The following SLC45A2 variants were observed in gnomAD, a reference collection of about 807,000 sequenced individuals.
SLC45A2 encodes the protein solute carrier family 45 member 2, also known as membrane-associated transporter protein.
SLC45A2 carries 36 observed loss-of-function variants against 45.5 expected under a neutral mutation model. That is an observed-to-expected ratio of 0.79 (90% CI 0.61 to 1.04). SLC45A2 has a LOEUF of 1.04. SLC45A2 is among the 50% of genes least tolerant of loss of function. The pLI, the probability that SLC45A2 is intolerant of heterozygous loss-of-function variation, is 0.00. For missense variants in SLC45A2, 719 were observed against 671.0 expected, an observed-to-expected ratio of 1.07 and a Z score of -0.79; for synonymous variants, 306 against 269.3, an observed-to-expected ratio of 1.14 and a Z score of -1.33.
intron 2 of SLC45A2, among the ~76,000 whole-genome samples, chr5:33,971,698 T>C (rs1752781688): frequency 6.6e-6 from 1 of 152,116 alleles, no homozygotes; most frequent in Non-Finnish European, 1.5e-5. Flanking sequence ...GTGATCTTGG[T>C]TCACTGTAAC....
At chr5:33,945,919 A>T in intron 6 of SLC45A2, 1 of 963,922 alleles carries the variant, frequency 1.0e-6, no homozygotes, top group Non-Finnish European at 1.2e-6. Flanking sequence ...ACAAAAAACT[A>T]GTAAGAGTGG....
chr5:33,956,260 C>A (rs1431328686), intron 3 of SLC45A2, among the ~76,000 whole-genome samples: 2 of 152,076 alleles, frequency 1.3e-5, no homozygotes, highest in Non-Finnish European at 2.9e-5. Flanking sequence ...AAGAGCAGAG[C>A]TTTCAATGAA....
chr5:33,958,489 T>C (rs974963128), intron 3 of SLC45A2, among the ~76,000 whole-genome samples: 4 of 152,150 alleles, frequency 2.6e-5, no homozygotes, highest in Non-Finnish European at 5.9e-5. Context: ...ATATTCTTAC[T>C]TTAACTTTTT....
chr5:33,984,081 A>G (rs1753162927), intron 1 of SLC45A2, 118 bp downstream of exon 1: 1 of 1,440,248 alleles, frequency 6.9e-7, no homozygotes, highest in African/African-American at 1.4e-5. Context: ...ATTGTAACCT[A>G]GGAGAGATCA....
In SLC45A2 at chr5:33,951,582, G is replaced by C; in HGVS notation, c.1128C>G (p.Ile376Met). 2 of 1,614,160 alleles carry C rather than the reference G, an allele frequency of 1.2e-6. No homozygotes were observed. Among genetic ancestry groups the C allele is most frequent in the Non-Finnish European group, 1.7e-6 (2 of 1,180,000 alleles). ...AATAAAGTGAGGAAAACACGGAGTT[G>C]ATGCACAAGCCCCAACATCCAACCT... ...GVEVGCWGLCINSVFSSLYSY... is the reference protein window; with the variant it reads ...GVEVGCWGLCMNSVFSSLYSY... The change falls in exon 5 of 7, where the codon ATC (isoleucine) becomes ATG (methionine). Residue 376 changes from isoleucine (I) to methionine (M), a missense_variant. Ile to Met is a conservative substitution (Grantham distance 10, BLOSUM62 1). Transcript: ENST00000296589.
In SLC45A2 at chr5:33,971,631, T is replaced by A. The variant is rs183478439; in HGVS notation, c.563-7615A>T. Among the ~76,000 whole-genome samples, 1,324 of 150,486 alleles carry A rather than the reference T, an allele frequency of 8.8e-3. 10 individuals are homozygous for A. Among genetic ancestry groups the A allele is most frequent in the Middle Eastern group, 0.058 (17 of 292 alleles). On this transcript the variant is annotated intron_variant, in intron 2 of 6. Coordinates refer to ENST00000296589, the MANE Select transcript of SLC45A2 (RefSeq NM_016180.5). ...TTTTTAATTAGTTAATTAATTATTT[T>A]TTATTTTTTATTTTGAGACGGAGTC...
intron 3 of SLC45A2, among the ~76,000 whole-genome samples, chr5:33,955,527 C>T (rs1035156117): frequency 6.6e-6 from 1 of 152,138 alleles, no homozygotes; most frequent in Non-Finnish European, 1.5e-5. Context: ...CTGTTCTTAG[C>T]CAGATGTCTC....
At chr5:33,948,353 T>C (rs980409995) in intron 5 of SLC45A2, among the ~76,000 whole-genome samples, 17 of 152,268 alleles carry the variant, frequency 1.1e-4, no homozygotes, top group Non-Finnish European at 1.9e-4. Context: ...AAATTGTTTT[T>C]ATCTTCTTCC....
At chr5:33,953,488 G>A (rs1752179495) in intron 4 of SLC45A2, among the ~76,000 whole-genome samples, 2 of 151,870 alleles carry the variant, frequency 1.3e-5, no homozygotes, top group Admixed American at 6.6e-5. Context: ...CTGCATAAAT[G>A]TCTTCTTTTG....
intron 3 of SLC45A2, among the ~76,000 whole-genome samples, chr5:33,961,470 A>T (rs866113393): frequency 2.0e-4 from 31 of 152,146 alleles, no homozygotes; most frequent in African/African-American, 3.9e-4. Context: ...TTTAAAAAAA[A>T]TTTTTTATGT....
rs1349591702 is a variant in SLC45A2, at chr5:33,951,379, T to C, written c.1156+175A>G. ...AGGAAATGACACCTAGAATTCATGA[T>C]GAAAAAAGGATGCTTTATATGGTCC... On this transcript the variant is annotated intron_variant, in intron 5 of 6. Coordinates refer to ENST00000296589, the MANE Select transcript of SLC45A2 (RefSeq NM_016180.5). 4 of 1,503,884 alleles carry C rather than the reference T, an allele frequency of 2.7e-6. No homozygotes were observed. The Admixed American group carries it at 8.8e-5, about 33-fold the overall frequency. The allele number at this position is 1,503,884 out of a possible 1,614,324, so 93.2% of individuals were successfully genotyped here. A position where few individuals can be genotyped will look rare whatever the true frequency, so the allele number is the denominator to read the frequency against.
intron 2 of SLC45A2, among the ~76,000 whole-genome samples, chr5:33,979,967 A>C (rs1460382809): frequency 6.6e-6 from 1 of 152,208 alleles, no homozygotes; most frequent in Non-Finnish European, 1.5e-5. Flanking sequence ...TGGGTCTTTT[A>C]GCCACATCTA....
chr5:33,955,902 A>G (rs1752259815), intron 3 of SLC45A2, among the ~76,000 whole-genome samples: 1 of 152,174 alleles, frequency 6.6e-6, no homozygotes, highest in Admixed American at 6.5e-5. Flanking sequence ...ATTTATGGTG[A>G]AGCTTCAGTA....
rs542037534 is a variant in SLC45A2, at chr5:33,954,572, A to G, written c.889-68T>C. Reference sequence around the variant, plus strand: ...AACTCAGCCAGCTAAGGGAGCCAGAACACACAGACATGTTATGTATTTGTC... The same window carrying G: ...AACTCAGCCAGCTAAGGGAGCCAGAGCACACAGACATGTTATGTATTTGTC... On this transcript the variant is annotated intron_variant, in intron 3 of 6. Coordinates refer to ENST00000296589, the MANE Select transcript of SLC45A2 (RefSeq NM_016180.5). 291 of 1,598,644 alleles carry G rather than the reference A, an allele frequency of 1.8e-4. 1 individual carries two copies. In the South Asian group the frequency reaches 3.0e-3, roughly 17 times the overall value.
chr5:33,946,364 T>C (rs1352740597), intron 6 of SLC45A2: 1 of 985,398 alleles, frequency 1.0e-6, no homozygotes, highest in Non-Finnish European at 1.2e-6. Flanking sequence ...GGTTATATGT[T>C]CAGTGTTTTT....
intron 2 of SLC45A2, chr5:33,972,135 C>A (rs1752799135): frequency 3.9e-6 from 2 of 518,244 alleles, no homozygotes; most frequent in Non-Finnish European, 7.9e-6. Flanking sequence ...TTTAATTATG[C>A]CAGGGACCAT....
chr5:33,964,089 C>G, intron 2 of SLC45A2, 73 bp from the exon 3 acceptor site: 5 of 1,503,284 alleles, frequency 3.3e-6, no homozygotes, highest in Non-Finnish European at 4.6e-6. Flanking sequence ...TAGACACTCC[C>G]CTTCAGTGGG....
intron 6 of SLC45A2, chr5:33,946,185 G>C (rs939574308): frequency 2.0e-6 from 2 of 985,306 alleles, no homozygotes. Context: ...TGTAGGGACA[G>C]TTTTTTATGA....
rs948552115 is a variant in SLC45A2 at position 33,946,137 on chromosome 5, G to A, written c.1368+1026C>T. The A allele has an allele frequency of 4.1e-5, 40 of 985,264 alleles. No individual in the cohort carries two copies. The African/African-American group carries it at 4.5e-4, about 11-fold the overall frequency. The allele number at this position is 985,264 out of a possible 1,614,324, so 61.0% of individuals were successfully genotyped here. ...ATCCAGGTTTCTCTGAGCCTGAAGCGTAGGTTTTCTTCCCCCAACACCATG... is the reference window on the plus strand; with the variant it reads ...ATCCAGGTTTCTCTGAGCCTGAAGCATAGGTTTTCTTCCCCCAACACCATG... On this transcript the variant is annotated intron_variant, in intron 6 of 6. Transcript: ENST00000296589.
Sources: gnomAD v4.1 joint callset for allele counts (sites outside exome capture counted in the v4.1 genomes callset) on GRCh38, gnomAD v4.1.1 for gene constraint, MANE v1.5 for transcripts, NCBI Gene and HGNC (gene_info 2026-07-23, HGNC 2026-07-21) for gene names.